FANCA: variants seen among roughly 807,000 people sequenced by gnomAD.
FANCA encodes FA complementation group A.
A neutral mutation model predicts 194.3 loss-of-function variants in FANCA; 236 were observed. The observed-to-expected ratio is 1.21, with a 90% confidence interval of 1.09 to 1.35. The LOEUF (loss-of-function observed/expected upper bound fraction) is 1.35. Ranked by LOEUF, FANCA falls within the 40% of genes most tolerant of loss-of-function variation. FANCA has a pLI of 0.00. For synonymous variants in FANCA, 1,014 were observed against 715.8 expected (o/e 1.42, Z -6.65); for missense variants, 2,628 against 1,813.9 (o/e 1.45, Z -8.15).
intron 21 of FANCA, among the ~76,000 whole-genome samples, chr16:89,774,794 C>G (rs2039445254): frequency 7.1e-6 from 1 of 140,060 alleles, no homozygotes; most frequent in African/African-American, 2.6e-5. Flanking sequence ...GGAAGGGGAT[C>G]TAGAAGAGCA....
In FANCA at chr16:89,738,724, A is replaced by G; in HGVS notation, c.4261-16T>C. On this transcript the variant is annotated splice_polypyrimidine_tract_variant and intron_variant, in intron 42 of 42. Coordinates refer to ENST00000389301, the MANE Select transcript of FANCA (RefSeq NM_000135.4). ...CAGCCAGCAGCTGTGAGAGAGGAGC[A>G]GGTCCTCAGCCCATGCCGCCCACTA... 2 of 1,613,602 alleles carry G rather than the reference A, an allele frequency of 1.2e-6. No homozygotes were observed. The highest frequency in any genetic ancestry group is 2.2e-5 in the South Asian group (2 of 91,044).
chr16:89,812,520 C>T (rs189816836), intron 3 of FANCA, among the ~76,000 whole-genome samples: 3 of 151,400 alleles, frequency 2.0e-5, no homozygotes, highest in South Asian at 4.2e-4. Flanking sequence ...GTGGTGCATG[C>T]CTGTAATACC....
intron 31 of FANCA, 45 bp from the exon 32 acceptor site, chr16:89,749,947 C>G (rs188298580): frequency 3.7e-6 from 6 of 1,608,556 alleles, no homozygotes; most frequent in Non-Finnish European, 5.1e-6. Flanking sequence ...TCGGGGCTCA[C>G]TGCCCAGCCA....
chr16:89,762,629 G>A, intron 28 of FANCA: 2 of 273,324 alleles, frequency 7.3e-6, no homozygotes, highest in South Asian at 3.1e-5. Context: ...GCTATTCACA[G>A]TAGCATACCT....
At chr16:89,746,962 C>T in intron 33 of FANCA, 72 bp from the exon 34 acceptor site, 1 of 1,373,358 alleles carries the variant, frequency 7.3e-7, no homozygotes, top group Non-Finnish European at 1.0e-6. Context: ...AGAGTGGCTG[C>T]TGTGGATTCA....
intron 5 of FANCA, among the ~76,000 whole-genome samples, chr16:89,809,159 G>C (rs2040780938): frequency 6.6e-6 from 1 of 151,874 alleles, no homozygotes; most frequent in African/African-American, 2.4e-5. Flanking sequence ...ACCTGCCTCG[G>C]CCTCCCAAAG....
At chr16:89,799,144 C>G (rs757362952) in intron 10 of FANCA, 22 bp downstream of exon 10, 82 of 1,614,080 alleles carry the variant, frequency 5.1e-5, no homozygotes, top group Non-Finnish European at 6.6e-5. Flanking sequence ...CACACTCAGG[C>G]AGGCCACCCT....
At chr16:89,744,178 C>T (rs758391252) in intron 36 of FANCA, among the ~76,000 whole-genome samples, 1 of 152,124 alleles carries the variant, frequency 6.6e-6, no homozygotes, top group Non-Finnish European at 1.5e-5. Context: ...TACAGGTGTG[C>T]GCCACCGCGC....
rs775082904 is a variant in FANCA at position 89,737,795 on chromosome 16, T to C, written c.*806A>G. The C allele has an allele frequency of 1.5e-5, 24 of 1,613,948 alleles. No individual in the cohort carries two copies. The highest frequency in any genetic ancestry group is 2.7e-5 in the African/African-American group (2 of 74,892). The stretch of plus-strand genomic sequence containing the variant: ...TCAGGGGCCTGGACTCACTGGACTC[T>C]CCCCTCTCAGAGGTGCGGAACTATA... On this transcript the variant is annotated 3_prime_UTR_variant, in exon 43 of 43. Transcript: ENST00000389301.
chr16:89,759,243 C>A (rs17226960), intron 29 of FANCA, among the ~76,000 whole-genome samples: 1,813 of 136,676 alleles, frequency 0.013, 27 homozygotes, highest in South Asian at 0.066. Flanking sequence ...TGGTATGAAC[C>A]TGGGAGGTGG....
chr16:89,744,706 T>C (rs2062205260), intron 36 of FANCA: 1 of 527,810 alleles, frequency 1.9e-6, no homozygotes, highest in Non-Finnish European at 3.4e-6. Flanking sequence ...TCTTGCTCTA[T>C]TGGCCGTTGG....
chr16:89,775,808 T>C lies in FANCA; in HGVS notation c.1834A>G (p.Lys612Glu), dbSNP rs1433333223. The change falls in exon 21 of 43, where the codon AAA becomes GAA. Residue 612 changes from lysine to glutamate, a missense_variant. Physicochemically the swap from Lys to Glu is moderately conservative, Grantham distance 56. Transcript: ENST00000389301. ...GTGGAGTACAGAGATGGGGGGATTT[T>C]ATCTGCTCTGGATCACAGGAAAACA... ...AFIESLKRAD[K>E]IPPSLYSTYC... is the part of the protein sequence containing the mutation. 15 of 1,610,974 alleles carry C rather than the reference T, an allele frequency of 9.3e-6. No individual in the cohort carries two copies. The highest frequency in any genetic ancestry group is 1.3e-5 in the Non-Finnish European group (15 of 1,178,086).
chr16:89,742,203 C>G (rs947697172), intron 37 of FANCA, among the ~76,000 whole-genome samples: 9 of 152,048 alleles, frequency 5.9e-5, no homozygotes, highest in Non-Finnish European at 1.3e-4. Context: ...TCTCAAACTC[C>G]TGACACCAAG....
Position 89,780,581 on chromosome 16 carries a change from G to A in FANCA, c.1627-624C>T, listed in dbSNP as rs116808310. Among the ~76,000 whole-genome samples, 662 of 151,292 alleles carry A rather than the reference G, an allele frequency of 4.4e-3. 2 individuals are homozygous for A. The highest frequency in any genetic ancestry group is 0.015 in the African/African-American group (636 of 41,154). On this transcript the variant is annotated intron_variant, in intron 17 of 42. Transcript: ENST00000389301. ...CATGGCTCCAGTAAGCCATCATCATGCTACCCTACTGCAGCCTGGGCAACA... is the reference window on the plus strand; with the variant it reads ...CATGGCTCCAGTAAGCCATCATCATACTACCCTACTGCAGCCTGGGCAACA...
chr16:89,785,020 A>T (rs2039850480), intron 14 of FANCA, 56 bp from the exon 15 acceptor site: 1 of 1,256,380 alleles, frequency 8.0e-7, no homozygotes, highest in African/African-American at 1.5e-5. Flanking sequence ...TGCACCACCT[A>T]GGCAGTGTCC....
intron 30 of FANCA, among the ~76,000 whole-genome samples, chr16:89,753,747 G>T (rs1020685496): frequency 1.3e-5 from 2 of 152,078 alleles, no homozygotes; most frequent in African/African-American, 4.8e-5. Flanking sequence ...GAACAGTGTC[G>T]CTGCCTCTAC....
At chr16:89,753,373 A>T (rs1414787456) in intron 30 of FANCA, among the ~76,000 whole-genome samples, 1 of 152,192 alleles carries the variant, frequency 6.6e-6, no homozygotes, top group Non-Finnish European at 1.5e-5. Context: ...CTTTTCTCTT[A>T]TCTCTGTCTT....
chr16:89,773,865 C>T (rs572259275), intron 21 of FANCA, among the ~76,000 whole-genome samples: 53 of 151,680 alleles, frequency 3.5e-4, no homozygotes, highest in African/African-American at 8.7e-4. Context: ...CTCCGCCTCC[C>T]GGGTTCAAAT....
chr16:89,750,822 T>C (rs947939009), intron 31 of FANCA, among the ~76,000 whole-genome samples: 1 of 152,108 alleles, frequency 6.6e-6, no homozygotes. Context: ...AGGACACTCA[T>C]GTGCCCTTCA....
Sources: allele counts gnomAD v4.1 joint callset (sites outside exome capture counted in the v4.1 genomes callset), GRCh38; gene constraint gnomAD v4.1.1; transcripts MANE v1.5; gene names NCBI Gene and HGNC (gene_info 2026-07-23, HGNC 2026-07-21).